The following MLLT10 variants were observed in gnomAD, a reference collection of about 807,000 sequenced individuals.
MLLT10 encodes protein AF-10.
Under a neutral mutation model 129.1 loss-of-function variants are expected in MLLT10, and 30 were observed. The ratio of observed to expected loss-of-function variants is 0.23; its 90% CI spans 0.17 to 0.32. The LOEUF is 0.32. Ranked by LOEUF, MLLT10 falls within the 10% of genes least tolerant of loss-of-function variation. The pLI is 1.00. For synonymous variants in MLLT10, 490 were observed against 446.4 expected (o/e 1.10, Z -1.23); for missense variants, 1,119 against 1,268.3 (o/e 0.88, Z 1.79).
intron 3 of MLLT10, among the ~76,000 whole-genome samples, chr10:21,552,938 A>C (rs1384806141): frequency 6.6e-6 from 1 of 151,124 alleles, no homozygotes; most frequent in East Asian, 2.0e-4. Flanking sequence ...TTTTTAAACC[A>C]GGGACCTTCT....
At chr10:21,561,674 A>G (rs368876295) in intron 3 of MLLT10, among the ~76,000 whole-genome samples, 7 of 152,318 alleles carry the variant, frequency 4.6e-5, no homozygotes, top group Admixed American at 1.3e-4. Flanking sequence ...TTTTCCCAGC[A>G]TTATTTGTTG....
chr10:21,713,662 A>C, intron 13 of MLLT10, 110 bp from the exon 14 acceptor site: 1 of 903,670 alleles, frequency 1.1e-6, no homozygotes, highest in Non-Finnish European at 1.6e-6. Flanking sequence ...CAACAATAAG[A>C]TTTATAATTG....
intron 8 of MLLT10, among the ~76,000 whole-genome samples, chr10:21,638,524 C>T (rs2047677471): frequency 6.6e-6 from 1 of 152,104 alleles, no homozygotes. Context: ...ATCTGGGTGC[C>T]TGTATCCAAC....
At chr10:21,737,583 A>G (rs1036003248) in intron 21 of MLLT10, among the ~76,000 whole-genome samples, 16 of 152,150 alleles carry the variant, frequency 1.1e-4, no homozygotes, top group Non-Finnish European at 1.5e-5. Context: ...GATTTTCTTA[A>G]TTAGAAGTAA....
At chr10:21,636,628 G>A (rs778057009) in intron 8 of MLLT10, among the ~76,000 whole-genome samples, 1 of 151,150 alleles carries the variant, frequency 6.6e-6, no homozygotes, top group Admixed American at 6.6e-5. Flanking sequence ...AAGCTGGAGT[G>A]CAGTGGTGCG....
intron 5 of MLLT10, among the ~76,000 whole-genome samples, chr10:21,603,979 T>G (rs1166720551): frequency 6.6e-6 from 1 of 152,128 alleles, no homozygotes; most frequent in Non-Finnish European, 1.5e-5. Context: ...TCATCCTAAT[T>G]ACATTTGCAA....
At chr10:21,706,145 T>C (rs1424112208) in intron 13 of MLLT10, among the ~76,000 whole-genome samples, 1 of 152,228 alleles carries the variant, frequency 6.6e-6, no homozygotes, top group African/African-American at 2.4e-5. Flanking sequence ...ATTTTGGTTC[T>C]TAGTGGAAGA....
Position 21,534,263 on chromosome 10 carries a change from C to G in MLLT10, c.-258C>G, listed in dbSNP as rs1003738642. 5.0e-6 allele frequency: 2 copies of G among 399,386 alleles called. No individual in the cohort carries two copies. The highest frequency in any genetic ancestry group is 4.1e-5 in the African/African-American group (2 of 48,438). The allele number at this position is 399,386 out of a possible 1,614,324, so 24.7% of individuals were successfully genotyped here. A position where few individuals can be genotyped will look rare whatever the true frequency, so the allele number is the denominator to read the frequency against. On this transcript the variant is annotated 5_prime_UTR_variant, in exon 1 of 23. Coordinates refer to ENST00000307729, the MANE Select transcript of MLLT10 (RefSeq NM_001195626.3). ...GCCAAGTGACGCTCCGAGGAGGAAG[C>G]GCAGCCCCCTTCCCCTCCCTCGCTG...
rs118128251 is a variant in MLLT10 at position 21,625,928 on chromosome 10, A to G, written c.699+8721A>G. The G allele has an allele frequency of 8.6e-3, 6,830 of 791,882 alleles. 51 individuals carry two copies. Among genetic ancestry groups the G allele is most frequent in the Admixed American group, 0.016 (971 of 59,030 alleles). The allele number at this position is 791,882 out of a possible 1,614,324, so 49.1% of individuals were successfully genotyped here. ...CTCATCCTCATATACATCTCTTGGT[A>G]TTTTACCTACAAACACCTCTGTTCC... is the stretch of plus-strand genomic sequence containing the variant. On this transcript the variant is annotated intron_variant, in intron 8 of 22. Transcript: ENST00000307729.
intron 8 of MLLT10, among the ~76,000 whole-genome samples, chr10:21,623,347 A>T (rs1046599689): frequency 2.0e-5 from 3 of 152,230 alleles, no homozygotes; most frequent in African/African-American, 7.2e-5. Context: ...TTATTAGTGT[A>T]AACTCAAGTA....
intron 21 of MLLT10, among the ~76,000 whole-genome samples, chr10:21,739,609 C>T (rs745814059): frequency 7.2e-5 from 11 of 152,200 alleles, no homozygotes; most frequent in South Asian, 4.1e-4. Flanking sequence ...TATAAATATA[C>T]GCTGCATGGA....
intron 3 of MLLT10, among the ~76,000 whole-genome samples, chr10:21,548,709 C>CTA (rs1297040220): frequency 6.6e-6 from 1 of 152,058 alleles, no homozygotes; most frequent in Non-Finnish European, 1.5e-5. Context: ...ATCTTTAACT[C>CTA]TGTCTTCAGA....
rs762144734 is a variant in MLLT10, at chr10:21,731,074, T to C, written c.2218+20T>C. 7 of 1,591,856 alleles carry C rather than the reference T, an allele frequency of 4.4e-6. No individual in the cohort carries two copies. The highest frequency in any genetic ancestry group is 3.6e-5 in the Admixed American group (2 of 56,216). On this transcript the variant is annotated intron_variant, in intron 17 of 22. Coordinates refer to ENST00000307729, the MANE Select transcript of MLLT10 (RefSeq NM_001195626.3). Reference sequence around the variant, plus strand: ...GTGACAGTAAGTATTCATTTTCTTATATGTGAATCAAGACAGATGGGCAGA... The same window carrying C: ...GTGACAGTAAGTATTCATTTTCTTACATGTGAATCAAGACAGATGGGCAGA...
At chr10:21,667,934 A>C (rs976144813) in intron 9 of MLLT10, among the ~76,000 whole-genome samples, 2 of 152,154 alleles carry the variant, frequency 1.3e-5, no homozygotes, top group Non-Finnish European at 2.9e-5. Flanking sequence ...CCATGAAATA[A>C]AAATGACGTG....
chr10:21,624,683 G>A (rs918848913), intron 8 of MLLT10: 12 of 1,413,458 alleles, frequency 8.5e-6, no homozygotes, highest in Non-Finnish European at 1.1e-5. Context: ...TTGCTGAAGC[G>A]GCTGCTGAGC....
At chr10:21,689,501 G>A (rs958003664) in intron 13 of MLLT10, among the ~76,000 whole-genome samples, 2 of 146,992 alleles carry the variant, frequency 1.4e-5, no homozygotes, top group Non-Finnish European at 3.0e-5. Flanking sequence ...TGTACAGTTA[G>A]CATGAGCAAT....
intron 9 of MLLT10, among the ~76,000 whole-genome samples, chr10:21,658,151 T>C (rs1273533421): frequency 6.6e-6 from 1 of 152,224 alleles, no homozygotes; most frequent in Non-Finnish European, 1.5e-5. Context: ...CACGATACAT[T>C]GCACATATTT....
intron 4 of MLLT10, among the ~76,000 whole-genome samples, chr10:21,594,422 G>A (rs1251703014): frequency 1.3e-5 from 2 of 151,840 alleles, no homozygotes; most frequent in Non-Finnish European, 2.9e-5. Flanking sequence ...GGTGGTGCAT[G>A]CCTGTAATCC....
intron 3 of MLLT10, chr10:21,556,677 A>G (rs2038039095): frequency 6.2e-7 from 1 of 1,612,316 alleles, no homozygotes; most frequent in African/African-American, 1.3e-5. Flanking sequence ...GCCTCATCTG[A>G]AAACGTCACT....
Sources: allele counts gnomAD v4.1 joint callset (sites outside exome capture counted in the v4.1 genomes callset), GRCh38; gene constraint gnomAD v4.1.1; transcripts MANE v1.5; gene names NCBI Gene and HGNC (gene_info 2026-07-23, HGNC 2026-07-21).